Variants in KIRREL3 observed in about 807,000 individuals in gnomAD.
KIRREL3 encodes kirre like nephrin family adhesion molecule 3.
KIRREL3 carries 36 observed loss-of-function variants against 89.7 expected under a neutral mutation model. That is an observed-to-expected ratio of 0.40 (90% CI 0.31 to 0.53). KIRREL3 has a LOEUF of 0.53. KIRREL3 is among the 20% of genes least tolerant of loss of function. The pLI is 0.49. For synonymous variants in KIRREL3, 445 were observed against 441.4 expected (o/e 1.01, Z -0.10); for missense variants, 864 against 1,056.6 (o/e 0.82, Z 2.53).
chr11:126,678,567 A>G (rs1197578777), intron 1 of KIRREL3, among the ~76,000 whole-genome samples: 1 of 133,774 alleles, frequency 7.5e-6, no homozygotes, highest in Non-Finnish European at 1.5e-5. Context: ...GCCACTGCAC[A>G]CCAGCCTGGG....
rs901386811 is a variant in KIRREL3, at chr11:126,724,985, A to C, written c.56-162073T>G. On this transcript the variant is annotated intron_variant, in intron 1 of 16. Transcript: ENST00000525144. This position sits in a 1 kb window ranked among gnomAD's most constrained non-coding sequence, Gnocchi z 4.3. The stretch of plus-strand genomic sequence containing the variant: ...TCTTATTTCTGTTCTTCAGATGAAG[A>C]GACAGAGGTTCAGAGAGGTGAGGGG... 3.7e-4 allele frequency among the ~76,000 whole-genome samples: 56 copies of C among 152,224 alleles called. No homozygotes were observed. The highest frequency in any genetic ancestry group is 1.3e-4 in the Non-Finnish European group (9 of 68,046).
rs918908762 is a variant in KIRREL3 at position 126,683,104 on chromosome 11, C to T, written c.56-120192G>A. On this transcript the variant is annotated intron_variant, in intron 1 of 16. Transcript: ENST00000525144. This position sits in a 1 kb window ranked among gnomAD's most constrained non-coding sequence, Gnocchi z 5.2. ...CCCCTGAACTCCAGTGATCTTACCGCCTCAGCCTTCCAAAGTGTTGCAATT... is the reference window on the plus strand; with the variant it reads ...CCCCTGAACTCCAGTGATCTTACCGTCTCAGCCTTCCAAAGTGTTGCAATT... Among the ~76,000 whole-genome samples, 1 of 152,088 alleles carries T rather than the reference C, an allele frequency of 6.6e-6. No homozygotes were observed. The highest frequency in any genetic ancestry group is 2.4e-5 in the African/African-American group (1 of 41,394).
At chr11:126,589,300 A>G (rs1257281841) in intron 1 of KIRREL3, among the ~76,000 whole-genome samples, 1 of 152,258 alleles carries the variant, frequency 6.6e-6, no homozygotes, top group Non-Finnish European at 1.5e-5. Flanking sequence ...GCAGGGGAAC[A>G]GAAGCTACAA....
chr11:126,829,282 G>GT (rs1301144453), intron 1 of KIRREL3, among the ~76,000 whole-genome samples: 1 of 152,154 alleles, frequency 6.6e-6, no homozygotes, highest in East Asian at 1.9e-4. Flanking sequence ...AGCCAAGAGG[G>GT]TTTTTCTGCA....
In KIRREL3 at chr11:126,769,476, G is replaced by A. The variant is rs117612101; in HGVS notation, c.56-206564C>T. Among the ~76,000 whole-genome samples, 863 of 152,218 alleles carry A rather than the reference G, an allele frequency of 5.7e-3. 4 individuals are homozygous for A. Among genetic ancestry groups the A allele is most frequent in the Non-Finnish European group, 8.6e-3 (586 of 68,000 alleles). ...GAGGGGCCCACTCCCCGTGAAAACC[G>A]TGCACTCCTGTCTTCTCTCTAACAG... On this transcript the variant is annotated intron_variant, in intron 1 of 16. Coordinates refer to ENST00000525144, the MANE Select transcript of KIRREL3 (RefSeq NM_032531.4). This position sits in a 1 kb window ranked among gnomAD's most constrained non-coding sequence, Gnocchi z 4.3.
At position 126,562,489 on chromosome 11, in the gene KIRREL3, G is replaced by A. The variant is rs1940200149; in HGVS notation, c.133+346C>T. Among the ~76,000 whole-genome samples the A allele has an allele frequency of 6.6e-6, 1 of 152,170 alleles. No homozygotes were observed. Among genetic ancestry groups the A allele is most frequent in the South Asian group, 2.1e-4 (1 of 4,812 alleles). The stretch of plus-strand genomic sequence containing the variant: ...GAGTGATGGAGGAGGCAAGTAGAGA[G>A]GTCTGGATTAGAAATGAAAATAGGA... On this transcript the variant is annotated intron_variant, in intron 2 of 16. Transcript: ENST00000525144. The surrounding 1 kb of genome is among the most constrained non-coding windows in gnomAD (Gnocchi z 4.7).
intron 1 of KIRREL3, among the ~76,000 whole-genome samples, chr11:126,775,406 T>C (rs978484794): frequency 6.6e-6 from 1 of 152,200 alleles, no homozygotes; most frequent in African/African-American, 2.4e-5. Context: ...AGATGCAGGC[T>C]GGTAACTCCT....
chr11:126,878,150 C>A (rs919609564), intron 1 of KIRREL3, among the ~76,000 whole-genome samples: 2 of 152,186 alleles, frequency 1.3e-5, no homozygotes, highest in African/African-American at 4.8e-5. Context: ...GTAGTGTCAG[C>A]TTTTAGACAA....
rs1951259067 is a variant in KIRREL3, at chr11:126,807,987, C to T, written c.55+192468G>A. ...GGCATGGTGTTATTTTTCCCAAATG[C>T]ACATTTGTGTGAGGCTCAGCACTGG... On this transcript the variant is annotated intron_variant, in intron 1 of 16. Coordinates refer to ENST00000525144, the MANE Select transcript of KIRREL3 (RefSeq NM_032531.4). The surrounding 1 kb of genome is among the most constrained non-coding windows in gnomAD (Gnocchi z 4.3). Among the ~76,000 whole-genome samples, 1 of 152,178 alleles carries T rather than the reference C, an allele frequency of 6.6e-6. No individual in the cohort carries two copies.
intron 1 of KIRREL3, among the ~76,000 whole-genome samples, chr11:126,831,122 TA>T: frequency 6.6e-6 from 1 of 152,326 alleles, no homozygotes; most frequent in East Asian, 1.9e-4. Context: ...TCTGCACCTA[TA>T]AAACAGGGAC....
intron 1 of KIRREL3, among the ~76,000 whole-genome samples, chr11:126,988,882 A>G (rs1357531013): frequency 6.6e-6 from 1 of 152,184 alleles, no homozygotes; most frequent in African/African-American, 2.4e-5. Context: ...TGCTGAGGCC[A>G]GCACACTGAA....
In KIRREL3 at chr11:126,639,819, G is replaced by C. The variant is rs1282605598; in HGVS notation, c.56-76907C>G. On this transcript the variant is annotated intron_variant, in intron 1 of 16. Coordinates refer to ENST00000525144, the MANE Select transcript of KIRREL3 (RefSeq NM_032531.4). This position sits in a 1 kb window ranked among gnomAD's most constrained non-coding sequence, Gnocchi z 4.3. ...ACAAGAAGGAGCTAAACTCATTTCAGGTTTGACCTCTGTGGCTGGGATCTG... is the reference window on the plus strand; with the variant it reads ...ACAAGAAGGAGCTAAACTCATTTCACGTTTGACCTCTGTGGCTGGGATCTG... Among the ~76,000 whole-genome samples the C allele has an allele frequency of 2.0e-5, 3 of 152,146 alleles. No individual in the cohort carries two copies. The East Asian group carries it at 5.8e-4, about 29-fold the overall frequency.
At chr11:126,665,978 T>C (rs1347472215) in intron 1 of KIRREL3, among the ~76,000 whole-genome samples, 2 of 152,246 alleles carry the variant, frequency 1.3e-5, no homozygotes, top group Non-Finnish European at 2.9e-5. Flanking sequence ...TTTATACTTA[T>C]ACTGTGTCAG....
At chr11:126,700,769 A>G (rs963414046) in intron 1 of KIRREL3, among the ~76,000 whole-genome samples, 4 of 152,090 alleles carry the variant, frequency 2.6e-5, no homozygotes, top group Admixed American at 2.6e-4. Flanking sequence ...TCCCCACCCC[A>G]TAATGTGCAA....
intron 1 of KIRREL3, among the ~76,000 whole-genome samples, chr11:126,599,361 C>T (rs1228146637): frequency 2.6e-5 from 4 of 152,198 alleles, no homozygotes; most frequent in African/African-American, 7.2e-5. Context: ...GGCACGCTTT[C>T]GGCTGCACCT....
At position 126,977,435 on chromosome 11, in the gene KIRREL3, T is replaced by G. The variant is rs1473240985; in HGVS notation, c.55+23020A>C. Among the ~76,000 whole-genome samples, 1 of 152,226 alleles carries G rather than the reference T, an allele frequency of 6.6e-6. No individual in the cohort carries two copies. Among genetic ancestry groups the G allele is most frequent in the Admixed American group, 6.5e-5 (1 of 15,288 alleles). The stretch of plus-strand genomic sequence containing the variant: ...TTTCTACTGCCTCTGGCGATGCTCC[T>G]GATCCTCCAGGATCAGGGTCTGGCC... On this transcript the variant is annotated intron_variant, in intron 1 of 16. Coordinates refer to ENST00000525144, the MANE Select transcript of KIRREL3 (RefSeq NM_032531.4). This position sits in a 1 kb window ranked among gnomAD's most constrained non-coding sequence, Gnocchi z 4.7.
intron 1 of KIRREL3, among the ~76,000 whole-genome samples, chr11:126,919,230 C>T (rs756139119): frequency 1.4e-4 from 21 of 152,142 alleles, no homozygotes; most frequent in East Asian, 3.9e-4. Context: ...TGAGATTGAG[C>T]GCTGTGGTAG....
intron 1 of KIRREL3, among the ~76,000 whole-genome samples, chr11:126,878,480 A>T (rs1428099366): frequency 6.6e-6 from 1 of 152,194 alleles, no homozygotes; most frequent in African/African-American, 2.4e-5. Flanking sequence ...GAGAGAAAAA[A>T]ATCAATAGAG....
intron 1 of KIRREL3, among the ~76,000 whole-genome samples, chr11:126,804,069 C>T (rs1951127165): frequency 6.6e-6 from 1 of 152,156 alleles, no homozygotes; most frequent in African/African-American, 2.4e-5. Flanking sequence ...TGCATGTTTG[C>T]TTGGGAATAC....
Sources: gnomAD v4.1 joint callset for allele counts (sites outside exome capture counted in the v4.1 genomes callset) on GRCh38, gnomAD v4.1.1 for gene constraint, Gnocchi (gnomAD v3.1) non-coding constraint, MANE v1.5 for transcripts, NCBI Gene and HGNC (gene_info 2026-07-23, HGNC 2026-07-21) for gene names.